Variants in GAREM1 observed in about 807,000 individuals in gnomAD.
GAREM1 encodes the protein GRB2-associated and regulator of MAPK protein 1.
A neutral mutation model predicts 71.3 loss-of-function variants in GAREM1; 26 were observed. The ratio of observed to expected loss-of-function variants is 0.36; its 90% CI spans 0.27 to 0.51. The LOEUF is 0.51. GAREM1 is among the 20% of genes least tolerant of loss of function. The pLI is 0.95. For synonymous variants in GAREM1, 440 were observed against 433.2 expected (o/e 1.02, Z -0.20); for missense variants, 1,026 against 1,103.1 (o/e 0.93, Z 0.99).
At chr18:32,390,975 C>G (rs1179987313) in intron 2 of GAREM1, among the ~76,000 whole-genome samples, 1 of 152,116 alleles carries the variant, frequency 6.6e-6, no homozygotes, top group African/African-American at 2.4e-5. Flanking sequence ...AAAGAATTTT[C>G]TTTTGAGTAC....
At chr18:32,382,710 C>A (rs2048108921) in intron 2 of GAREM1, among the ~76,000 whole-genome samples, 1 of 152,008 alleles carries the variant, frequency 6.6e-6, no homozygotes, top group African/African-American at 2.4e-5. Context: ...GAAAGGGAGG[C>A]ACCTTGCTCT....
At chr18:32,359,314 T>A (rs902951) in intron 2 of GAREM1, among the ~76,000 whole-genome samples, 15,619 of 152,130 alleles carry the variant, frequency 0.1, 1,425 homozygotes, top group African/African-American at 0.24. Context: ...TTTCTAAATA[T>A]GAATGACTTG....
Position 32,443,084 on chromosome 18 carries a change from T to A in GAREM1, c.121+27224A>T, listed in dbSNP as rs1305603800. 1.1e-4 allele frequency among the ~76,000 whole-genome samples: 17 copies of A among 152,184 alleles called. 1 individual carries two copies. The East Asian group carries it at 3.3e-3, about 29-fold the overall frequency. ...TCAAACACTAGAAACACACCGAAGA[T>A]AAAACAGCTAAGAAACACAGATAAC... On this transcript the variant is annotated intron_variant, in intron 1 of 5. Coordinates refer to ENST00000269209, the MANE Select transcript of GAREM1 (RefSeq NM_001242409.2).
chr18:32,466,995 C>T (rs1000973952), intron 1 of GAREM1, among the ~76,000 whole-genome samples: 1 of 152,174 alleles, frequency 6.6e-6, no homozygotes, highest in Non-Finnish European at 1.5e-5. Flanking sequence ...ATATTGAACA[C>T]ATCTATCTAC....
Position 32,291,317 on chromosome 18 carries a change from C to CAA in GAREM1, c.394-3116_394-3115dup, listed in dbSNP as rs548179742. Among the ~76,000 whole-genome samples, 584 of 76,970 alleles carry CAA rather than the reference C, an allele frequency of 7.6e-3. 4 individuals are homozygous for CAA. Among genetic ancestry groups the CAA allele is most frequent in the African/African-American group, 0.024 (561 of 23,440 alleles). 50.5% of individuals were successfully genotyped at this position (76,970 alleles called of 152,430 possible). ...TACATTTTCTTTTTATTTTTGTTAC[C>CAA]AAAAAAAAAAAAAAAAACCAAAAAC... is the stretch of plus-strand genomic sequence containing the variant. On this transcript the variant is annotated intron_variant, in intron 3 of 5. Transcript: ENST00000269209.
chr18:32,410,763 T>C lies in GAREM1; in HGVS notation c.122-17728A>G, dbSNP rs142304772. Among the ~76,000 whole-genome samples the C allele has an allele frequency of 3.7e-3, 557 of 152,340 alleles. 1 individual carries two copies. Among genetic ancestry groups the C allele is most frequent in the African/African-American group, 8.8e-3 (365 of 41,582 alleles). ...AAATATAAAGGACTCAATATAGTAC[T>C]GTATAGATAGAAGTCTCTCAACAAA... On this transcript the variant is annotated intron_variant, in intron 1 of 5. Coordinates refer to ENST00000269209, the MANE Select transcript of GAREM1 (RefSeq NM_001242409.2).
chr18:32,425,556 T>A (rs1822425445), intron 1 of GAREM1, among the ~76,000 whole-genome samples: 1 of 152,064 alleles, frequency 6.6e-6, no homozygotes, highest in African/African-American at 2.4e-5. Flanking sequence ...GAGAGAGTAA[T>A]GTGCATAGAA....
intron 2 of GAREM1, among the ~76,000 whole-genome samples, chr18:32,351,718 T>C: frequency 6.6e-6 from 1 of 151,604 alleles, no homozygotes; most frequent in African/African-American, 2.4e-5. Context: ...TTTTTTTTAC[T>C]TACACAGACA....
rs1388177327 is a variant in GAREM1 at position 32,287,299 on chromosome 18, T to C, written c.1298A>G (p.Tyr433Cys). 3.1e-6 allele frequency: 5 copies of C among 1,614,172 alleles called. No homozygotes were observed. The highest frequency in any genetic ancestry group is 1.1e-5 in the South Asian group (1 of 91,080). ...YQDSGDSGSD[Y>C]LFPEASEESA... is the part of the protein sequence containing the mutation. Reference sequence around the variant, plus strand: ...TTCTTCACTAGCTTCTGGGAAAAGGTAGTCGCTCCCACTATCTCCAGAGTC... The same window carrying C: ...TTCTTCACTAGCTTCTGGGAAAAGGCAGTCGCTCCCACTATCTCCAGAGTC... Residue 433 changes from tyrosine (Y) to cysteine (C), a missense_variant, in exon 4 of 6, where the codon TAC becomes TGC. By Grantham distance (194) the Tyr-to-Cys change is radical. This residue lies in a region of GAREM1 where 636 missense variants were observed against 631.2 expected (regional missense o/e 1.01). Transcript: ENST00000269209. This position sits in a 1 kb window ranked among gnomAD's most constrained non-coding sequence, Gnocchi z 5.9.
intron 4 of GAREM1, among the ~76,000 whole-genome samples, chr18:32,277,599 A>G (rs571294974): frequency 6.6e-6 from 1 of 152,350 alleles, no homozygotes; most frequent in South Asian, 2.1e-4. Context: ...CAAATCAAAC[A>G]CATCATAAAA....
chr18:32,375,914 C>G (rs1288215017), intron 2 of GAREM1, among the ~76,000 whole-genome samples: 3 of 152,112 alleles, frequency 2.0e-5, no homozygotes, highest in Non-Finnish European at 2.9e-5. Context: ...CTGCTATAAT[C>G]ACTGCTGTGC....
chr18:32,433,037 T>C (rs1461865123), intron 1 of GAREM1, among the ~76,000 whole-genome samples: 1 of 151,166 alleles, frequency 6.6e-6, no homozygotes, highest in East Asian at 1.9e-4. Context: ...AAAGTAAAAA[T>C]CCTCAACAAA....
intron 1 of GAREM1, among the ~76,000 whole-genome samples, chr18:32,457,226 A>ATGTGT (rs2048903143): frequency 1.2e-5 from 1 of 81,924 alleles, no homozygotes. Flanking sequence ...AGAGAGAGAG[A>ATGTGT]GTGTGTGTGT....
At chr18:32,304,691 G>A (rs2047234427) in intron 3 of GAREM1, among the ~76,000 whole-genome samples, 1 of 152,170 alleles carries the variant, frequency 6.6e-6, no homozygotes, top group Non-Finnish European at 1.5e-5. Flanking sequence ...AATCTATGAG[G>A]TGGGTAGTAT....
intron 2 of GAREM1, among the ~76,000 whole-genome samples, chr18:32,384,340 A>C (rs2048125282): frequency 6.6e-6 from 1 of 152,228 alleles, no homozygotes; most frequent in Admixed American, 6.5e-5. Flanking sequence ...CACCCCTAGA[A>C]AAATTAATTA....
At chr18:32,341,655 T>C (rs1036315413) in intron 2 of GAREM1, among the ~76,000 whole-genome samples, 16 of 152,190 alleles carry the variant, frequency 1.1e-4, no homozygotes, top group Admixed American at 3.3e-4. Flanking sequence ...TGGAGTTTCT[T>C]TCTTTAATAT....
At chr18:32,428,568 T>C (rs985467037) in intron 1 of GAREM1, among the ~76,000 whole-genome samples, 1 of 152,192 alleles carries the variant, frequency 6.6e-6, no homozygotes, top group African/African-American at 2.4e-5. Flanking sequence ...CCTTCTGCCA[T>C]GATTGTAAGT....
chr18:32,274,576 G>A (rs1039656767), intron 4 of GAREM1, among the ~76,000 whole-genome samples: 1 of 152,126 alleles, frequency 6.6e-6, no homozygotes, highest in Admixed American at 6.5e-5. Flanking sequence ...CCAAGGCTCT[G>A]TGCGACCAGG....
intron 3 of GAREM1, among the ~76,000 whole-genome samples, chr18:32,299,321 T>C (rs56084416): frequency 2.4e-3 from 369 of 152,174 alleles, no homozygotes; most frequent in African/African-American, 7.9e-3. Context: ...GAGACCATCC[T>C]GGCTAACATG....
Sources: allele counts gnomAD v4.1 joint callset (sites outside exome capture counted in the v4.1 genomes callset), GRCh38; gene constraint gnomAD v4.1.1; regional missense constraint gnomAD v4.1.1; non-coding constraint Gnocchi (gnomAD v3.1); transcripts MANE v1.5; gene names NCBI Gene and HGNC (gene_info 2026-07-23, HGNC 2026-07-21).